ATRNL1: variants seen among roughly 807,000 people sequenced by gnomAD.
ATRNL1 encodes attractin-like protein 1.
ATRNL1 carries 95 observed loss-of-function variants against 182.7 expected under a neutral mutation model. The ratio of observed to expected loss-of-function variants is 0.52; its 90% CI spans 0.44 to 0.62. The LOEUF (loss-of-function observed/expected upper bound fraction) is 0.62. ATRNL1 is among the 20% of genes least tolerant of loss of function. ATRNL1 has a pLI of 0.00. For missense variants in ATRNL1, 1,471 were observed against 1,679.5 expected (o/e 0.88, Z 2.17); for synonymous variants, 576 against 568.3 (o/e 1.01, Z -0.19).
chr10:115,851,807 T>C (rs1238428552), intron 28 of ATRNL1, among the ~76,000 whole-genome samples: 3 of 152,172 alleles, frequency 2.0e-5, no homozygotes, highest in African/African-American at 7.2e-5. Context: ...CTGTTGTTTA[T>C]GCATATGTTC....
chr10:115,861,240 G>A (rs1014870988), intron 28 of ATRNL1, among the ~76,000 whole-genome samples: 1 of 152,086 alleles, frequency 6.6e-6, no homozygotes, highest in Non-Finnish European at 1.5e-5. Context: ...CCTCTGCTTT[G>A]CTTTTTCATT....
intron 28 of ATRNL1, among the ~76,000 whole-genome samples, chr10:115,858,392 A>T (rs894921877): frequency 6.6e-6 from 1 of 152,204 alleles, no homozygotes. Flanking sequence ...CTTTGCAGGG[A>T]CATGGATGAA....
At chr10:115,636,982 C>T (rs566328767) in intron 26 of ATRNL1, among the ~76,000 whole-genome samples, 59 of 152,106 alleles carry the variant, frequency 3.9e-4, no homozygotes, top group African/African-American at 1.3e-3. Flanking sequence ...TGAAACAGGA[C>T]GATAAAAAAA....
chr10:115,530,874 T>A (rs55976822), intron 25 of ATRNL1, among the ~76,000 whole-genome samples: 26,739 of 147,806 alleles, frequency 0.18, 3,002 homozygotes, highest in Non-Finnish European at 0.26. Flanking sequence ...TGAGAACATG[T>A]GGTGTTTGGT....
chr10:115,851,633 A>G (rs1388614348), intron 28 of ATRNL1, among the ~76,000 whole-genome samples: 7 of 152,132 alleles, frequency 4.6e-5, no homozygotes, highest in African/African-American at 1.7e-4. Flanking sequence ...GGGGGCTTAG[A>G]ATAGTAAGGC....
At chr10:115,223,913 G>GTGTGTATATATATATA (rs71476115) in intron 9 of ATRNL1, among the ~76,000 whole-genome samples, 4 of 55,940 alleles carry the variant, frequency 7.2e-5, no homozygotes, top group African/African-American at 3.3e-4. Context: ...GTGTGTGTGT[G>GTGTGTATATATATATA]TATATATATA....
At position 115,094,041 on chromosome 10, in the gene ATRNL1, C is replaced by T; in HGVS notation, c.291C>T (p.Phe97=). Residue 97 remains phenylalanine (F), a splice_region_variant and synonymous_variant, in exon 1 of 29, where the codon TTC becomes TTT. Coordinates refer to ENST00000355044, the MANE Select transcript of ATRNL1 (RefSeq NM_207303.4). ...AGTGCCAGCACTGCCAGGGCAGGTT[C>T]AAGTAAGTGCCTTCGCCGGACCCCG... ...GDQCQHCQGR[F]KLTEPSGYLT... The T allele has an allele frequency of 6.7e-7, 1 of 1,489,396 alleles. No homozygotes were observed. The highest frequency in any genetic ancestry group is 9.0e-7 in the Non-Finnish European group (1 of 1,114,888). 92.3% of individuals were successfully genotyped at this position (1,489,396 alleles called of 1,614,324 possible).
chr10:115,236,688 T>C (rs975785621), intron 9 of ATRNL1, among the ~76,000 whole-genome samples: 3 of 152,176 alleles, frequency 2.0e-5, no homozygotes, highest in African/African-American at 7.2e-5. Flanking sequence ...CCAGGTCCTC[T>C]ATTATGTGTC....
chr10:115,763,590 G>A (rs762981026), intron 27 of ATRNL1, among the ~76,000 whole-genome samples: 4 of 152,070 alleles, frequency 2.6e-5, no homozygotes, highest in South Asian at 2.1e-4. Context: ...AAGGGGAGTC[G>A]GGGATGGGCA....
intron 5 of ATRNL1, among the ~76,000 whole-genome samples, chr10:115,132,824 G>C (rs1845315864): frequency 6.6e-6 from 1 of 152,278 alleles, no homozygotes; most frequent in Admixed American, 6.5e-5. Flanking sequence ...GTAGATTCTG[G>C]ATATTAGCCC....
intron 27 of ATRNL1, among the ~76,000 whole-genome samples, chr10:115,821,134 C>A (rs1334938038): frequency 2.6e-5 from 4 of 152,122 alleles, no homozygotes; most frequent in African/African-American, 9.7e-5. Context: ...GTCAATTAAA[C>A]CTCTTTCCTT....
intron 27 of ATRNL1, among the ~76,000 whole-genome samples, chr10:115,843,220 A>C (rs1950850379): frequency 6.6e-6 from 1 of 152,090 alleles, no homozygotes; most frequent in Non-Finnish European, 1.5e-5. Flanking sequence ...CAATAAGTAT[A>C]ATAAAACATT....
chr10:115,829,690 A>C (rs562070354), intron 27 of ATRNL1, among the ~76,000 whole-genome samples: 1 of 152,186 alleles, frequency 6.6e-6, no homozygotes, highest in Non-Finnish European at 1.5e-5. Context: ...CCACTTCAGT[A>C]GTTGCAAAAT....
chr10:115,294,796 T>G (rs906535399), intron 15 of ATRNL1, among the ~76,000 whole-genome samples: 5 of 152,154 alleles, frequency 3.3e-5, no homozygotes, highest in Non-Finnish European at 7.4e-5. Flanking sequence ...GTAGATGAAG[T>G]AGTGTAGTCT....
intron 20 of ATRNL1, among the ~76,000 whole-genome samples, chr10:115,402,560 A>G (rs1224806675): frequency 1.3e-5 from 2 of 152,190 alleles, no homozygotes; most frequent in Non-Finnish European, 2.9e-5. Flanking sequence ...GGTGAAAAGT[A>G]CATATAAATG....
chr10:115,518,199 C>T (rs181049338), intron 24 of ATRNL1, among the ~76,000 whole-genome samples: 1 of 151,994 alleles, frequency 6.6e-6, no homozygotes, highest in East Asian at 1.9e-4. Flanking sequence ...TTTTTCTTCA[C>T]TCAGGGATCA....
chr10:115,685,664 A>T (rs2133960268), intron 26 of ATRNL1, among the ~76,000 whole-genome samples: 1 of 152,020 alleles, frequency 6.6e-6, no homozygotes, highest in South Asian at 2.1e-4. Context: ...ATTGAATGTG[A>T]AGGTATTTTA....
At chr10:115,642,162 A>G (rs1180222257) in intron 26 of ATRNL1, among the ~76,000 whole-genome samples, 2 of 152,172 alleles carry the variant, frequency 1.3e-5, no homozygotes, top group African/African-American at 4.8e-5. Flanking sequence ...TAGCACATAC[A>G]AGGCCAAAAT....
rs781941381 is a variant in ATRNL1, at chr10:115,265,206, GA to G, written c.1705del (p.Ile569TyrfsTer19). ...LAYDIACDEW[K>X]ILPKPNLHRD... ...TCTTTTTTCTAGCTTGTGATGAATG[GA>G]AAATACTACCAAAACCAAATCTTCA... On this transcript the variant is annotated frameshift_variant, in exon 11 of 29. Coordinates refer to ENST00000355044, the MANE Select transcript of ATRNL1 (RefSeq NM_207303.4). LOFTEE classifies it high-confidence loss of function. 1.9e-6 allele frequency: 3 copies of G among 1,603,826 alleles called. No individual in the cohort carries two copies. Among genetic ancestry groups the G allele is most frequent in the Non-Finnish European group, 2.6e-6 (3 of 1,173,632 alleles).
Sources: allele counts gnomAD v4.1 joint callset (sites outside exome capture counted in the v4.1 genomes callset), GRCh38; gene constraint gnomAD v4.1.1; transcripts MANE v1.5; gene names NCBI Gene and HGNC (gene_info 2026-07-23, HGNC 2026-07-21).